EFCAB6: variants seen among roughly 807,000 people sequenced by gnomAD.
EFCAB6 encodes the protein EF-hand calcium-binding domain-containing protein 6.
A neutral mutation model predicts 169.8 loss-of-function variants in EFCAB6; 156 were observed. The observed-to-expected ratio is 0.92, with a 90% CI of 0.81 to 1.05. EFCAB6 has a LOEUF of 1.05. Ranked by LOEUF, EFCAB6 falls within the 50% of genes least tolerant of loss-of-function variation. The pLI is 0.00. For synonymous variants in EFCAB6, 698 were observed against 676.4 expected, an observed-to-expected ratio of 1.03 and a Z score of -0.50; for missense variants, 1,800 against 1,829.1, an observed-to-expected ratio of 0.98 and a Z score of 0.29.
chr22:43,678,366 T>TGTGTGTGTG, intron 12 of EFCAB6, among the ~76,000 whole-genome samples: 1 of 146,776 alleles, frequency 6.8e-6, no homozygotes, highest in Non-Finnish European at 1.5e-5. Flanking sequence ...TGTGTGTGTG[T>TGTGTGTGTG]AGGCTGAATG....
chr22:43,590,565 T>A (rs1039385291), intron 23 of EFCAB6, among the ~76,000 whole-genome samples: 8 of 152,138 alleles, frequency 5.3e-5, no homozygotes, highest in African/African-American at 1.9e-4. Context: ...AAATACACAC[T>A]CATTCTCAAT....
At chr22:43,546,476 A>G (rs1226011066) in intron 27 of EFCAB6, among the ~76,000 whole-genome samples, 2 of 152,218 alleles carry the variant, frequency 1.3e-5, no homozygotes, top group African/African-American at 2.4e-5. Flanking sequence ...AGTGGGAGCC[A>G]GAAGATGGTG....
intron 24 of EFCAB6, among the ~76,000 whole-genome samples, chr22:43,586,604 A>C (rs2051091985): frequency 6.6e-6 from 1 of 152,066 alleles, no homozygotes; most frequent in African/African-American, 2.4e-5. Context: ...TTCAGGGTAA[A>C]AGTGTATGAG....
intron 10 of EFCAB6, among the ~76,000 whole-genome samples, chr22:43,711,180 T>C (rs1468576639): frequency 6.6e-6 from 1 of 152,218 alleles, no homozygotes; most frequent in African/African-American, 2.4e-5. Flanking sequence ...AAAGAGTTCT[T>C]ATTTTTTAGA....
In EFCAB6 at chr22:43,805,483, A is replaced by G. The variant is rs544208918; in HGVS notation, c.-8+3512T>C. Among the ~76,000 whole-genome samples, 4 of 152,350 alleles carry G rather than the reference A, an allele frequency of 2.6e-5. No individual in the cohort carries two copies. The South Asian group carries it at 8.3e-4, about 32-fold the overall frequency. The stretch of plus-strand genomic sequence containing the variant: ...AAGAATGTTGCATGTTCTCACTCAT[A>G]TGGAGGAGCTCAAAAAGTGGATTTC... On this transcript the variant is annotated intron_variant, in intron 2 of 31. Coordinates refer to ENST00000262726, the MANE Select transcript of EFCAB6 (RefSeq NM_022785.4).
rs151314570 is a variant in EFCAB6 at position 43,629,667 on chromosome 22, C to A, written c.2232+2438G>T. Among the ~76,000 whole-genome samples the A allele has an allele frequency of 1.8e-3, 268 of 152,256 alleles. 1 individual carries two copies. The highest frequency in any genetic ancestry group is 6.4e-3 in the African/African-American group (265 of 41,542). ...GAGGAGAGAGGGGAATGTGCAGTGG[C>A]AACCTCTCAGCTGATGTGAAGGGCT... On this transcript the variant is annotated intron_variant, in intron 19 of 31. Coordinates refer to ENST00000262726, the MANE Select transcript of EFCAB6 (RefSeq NM_022785.4).
intron 8 of EFCAB6, among the ~76,000 whole-genome samples, chr22:43,721,292 G>C (rs541141549): frequency 1.5e-3 from 229 of 152,264 alleles, no homozygotes; most frequent in African/African-American, 5.4e-3. Flanking sequence ...CATTAAAATG[G>C]CCATACTGCC....
rs535639237 is a variant in EFCAB6, at chr22:43,740,551, G to A, written c.508-4558C>T. ...TGATGATTACAATAACATGATCTTC[G>A]CACAAACACGAACTGAACGGATGTC... is the stretch of plus-strand genomic sequence containing the variant. On this transcript the variant is annotated intron_variant, in intron 6 of 31. Transcript: ENST00000262726. Among the ~76,000 whole-genome samples the A allele has an allele frequency of 4.7e-4, 72 of 152,242 alleles. 2 individuals carry two copies. The South Asian group carries it at 8.9e-3, about 19-fold the overall frequency.
At chr22:43,738,140 A>G (rs1411206693) in intron 6 of EFCAB6, among the ~76,000 whole-genome samples, 1 of 151,608 alleles carries the variant, frequency 6.6e-6, no homozygotes, top group Non-Finnish European at 1.5e-5. Context: ...ACACCTGTGC[A>G]TATACTCACA....
At chr22:43,745,978 T>G (rs529482816) in intron 6 of EFCAB6, among the ~76,000 whole-genome samples, 7 of 152,360 alleles carry the variant, frequency 4.6e-5, no homozygotes, top group Non-Finnish European at 1.0e-4. Flanking sequence ...TTTATATCGA[T>G]TCCATCTGTT....
intron 17 of EFCAB6, among the ~76,000 whole-genome samples, chr22:43,641,846 T>C (rs1178521634): frequency 1.3e-5 from 2 of 152,186 alleles, no homozygotes; most frequent in Non-Finnish European, 2.9e-5. Context: ...TCTGAAAATA[T>C]CAGTTAAGGG....
intron 23 of EFCAB6, among the ~76,000 whole-genome samples, chr22:43,591,522 A>C (rs1385843828): frequency 2.6e-5 from 4 of 152,072 alleles, no homozygotes; most frequent in Non-Finnish European, 5.9e-5. Context: ...ATCAATGGAA[A>C]AATCAAGGGC....
In EFCAB6 at chr22:43,648,536, C is replaced by T. The variant is rs374286994; in HGVS notation, c.1984-13320G>A. Among the ~76,000 whole-genome samples, 13 of 152,274 alleles carry T rather than the reference C, an allele frequency of 8.5e-5. No individual in the cohort carries two copies. The East Asian group carries it at 1.2e-3, about 14-fold the overall frequency. On this transcript the variant is annotated intron_variant, in intron 17 of 31. Coordinates refer to ENST00000262726, the MANE Select transcript of EFCAB6 (RefSeq NM_022785.4). Reference sequence around the variant, plus strand: ...TACACAGACACAATGATGAGAATAACAGATACTGGGGACTACTAGAGTGGG... The same window carrying T: ...TACACAGACACAATGATGAGAATAATAGATACTGGGGACTACTAGAGTGGG...
chr22:43,748,886 A>G (rs1603317304), intron 6 of EFCAB6, among the ~76,000 whole-genome samples: 1 of 152,170 alleles, frequency 6.6e-6, no homozygotes, highest in Non-Finnish European at 1.5e-5. Context: ...AGCAAAAGAC[A>G]TGGGTATGTT....
intron 25 of EFCAB6, among the ~76,000 whole-genome samples, chr22:43,576,771 ACCCGTAACCTTCCTGATGGAAGCCTCG>A (rs1464659422): frequency 6.6e-6 from 1 of 152,214 alleles, no homozygotes; most frequent in African/African-American, 2.4e-5. Context: ...GGCCCCAAGC[ACCCGTAACCTTCCTGATGGAAGCCTCG>A]CCCCTGCTCC....
At chr22:43,566,790 C>A (rs895978265) in intron 26 of EFCAB6, among the ~76,000 whole-genome samples, 2 of 152,170 alleles carry the variant, frequency 1.3e-5, no homozygotes, top group African/African-American at 4.8e-5. Context: ...AAAACCCCTA[C>A]CCCTGGAAAA....
intron 20 of EFCAB6, 89 bp downstream of exon 20, chr22:43,626,358 A>T: frequency 8.0e-7 from 1 of 1,250,112 alleles, no homozygotes; most frequent in African/African-American, 1.5e-5. Context: ...CATTCTTTGT[A>T]TCCCTTTGCG....
intron 17 of EFCAB6, among the ~76,000 whole-genome samples, chr22:43,657,145 G>A (rs917433921): frequency 6.6e-6 from 1 of 151,516 alleles, no homozygotes; most frequent in Non-Finnish European, 1.5e-5. Flanking sequence ...CCCCACAAAA[G>A]TTAGCCAGGT....
At chr22:43,684,088 G>A (rs557229455) in intron 11 of EFCAB6, among the ~76,000 whole-genome samples, 2 of 152,124 alleles carry the variant, frequency 1.3e-5, no homozygotes, top group South Asian at 2.1e-4. Flanking sequence ...CTCTCCCCAC[G>A]AGACCAACTC....
Sources: allele counts gnomAD v4.1 joint callset (sites outside exome capture counted in the v4.1 genomes callset), GRCh38; gene constraint gnomAD v4.1.1; transcripts MANE v1.5; gene names NCBI Gene and HGNC (gene_info 2026-07-23, HGNC 2026-07-21).